Variants in SEPTIN2 observed in about 807,000 individuals in gnomAD.
SEPTIN2 encodes the protein septin 2.
A neutral mutation model predicts 46.5 loss-of-function variants in SEPTIN2; 34 were observed. The observed-to-expected ratio is 0.73, with a 90% confidence interval of 0.56 to 0.97. SEPTIN2 has a LOEUF of 0.97. Among genes scored for constraint, SEPTIN2 ranks in the 50% least tolerant of loss-of-function variants. The probability of loss-of-function intolerance (pLI) is 0.00; values close to 1 mark genes in which losing one functional copy is unlikely to be tolerated. For synonymous variants in SEPTIN2, 175 were observed against 153.4 expected (o/e 1.14, Z -1.04); for missense variants, 347 against 448.4 (o/e 0.77, Z 2.04).
intron 3 of SEPTIN2, among the ~76,000 whole-genome samples, chr2:241,328,418 A>G (rs2149944297): frequency 6.6e-6 from 1 of 151,644 alleles, no homozygotes; most frequent in Non-Finnish European, 1.5e-5. Flanking sequence ...GCGACAGAGC[A>G]AGACTCCGTC....
At chr2:241,346,446 A>AAT in intron 10 of SEPTIN2, 197 bp downstream of exon 10, 1 of 387,614 alleles carries the variant, frequency 2.6e-6, no homozygotes. Context: ...ACATTTAATG[A>AAT]TATGCACGTA....
At position 241,346,265 on chromosome 2, in the gene SEPTIN2, C is replaced by A; in HGVS notation, c.926+16C>A. 1 of 1,608,116 alleles carries A rather than the reference C, an allele frequency of 6.2e-7. No homozygotes were observed. The highest frequency in any genetic ancestry group is 8.5e-7 in the Non-Finnish European group (1 of 1,174,876). ...GAGGCGGCAGGTCATCACACTGTGC[C>A]CCTTTCTCTGTATTGTGTCACCCTG... On this transcript the variant is annotated intron_variant, in intron 10 of 12. Transcript: ENST00000391971.
At chr2:241,316,747 C>T (rs1350892286) in intron 1 of SEPTIN2, 3 of 438,330 alleles carry the variant, frequency 6.8e-6, no homozygotes, top group East Asian at 7.2e-5. Context: ...AGACCTTGTC[C>T]TCTCTCCACG....
At chr2:241,348,061 G>C in intron 10 of SEPTIN2, 73 bp from the exon 11 acceptor site, 2 of 1,192,752 alleles carry the variant, frequency 1.7e-6, no homozygotes, top group Non-Finnish European at 2.4e-6. Context: ...AAATTTTAAA[G>C]TAGAATTTTT....
At chr2:241,346,061 A>AT in intron 9 of SEPTIN2, 105 bp from the exon 10 acceptor site, 1 of 743,464 alleles carries the variant, frequency 1.3e-6, no homozygotes, top group Non-Finnish European at 2.3e-6. Context: ...TTACCAAGTA[A>AT]TTTTAATTAC....
At chr2:241,326,925 C>G (rs73116341) in intron 3 of SEPTIN2, among the ~76,000 whole-genome samples, 4,009 of 151,984 alleles carry the variant, frequency 0.026, 111 homozygotes, top group African/African-American at 0.069. Flanking sequence ...AATATGAAAA[C>G]TAGCCAGGCA....
chr2:241,329,096 T>C (rs2078529510), intron 3 of SEPTIN2, among the ~76,000 whole-genome samples: 1 of 147,052 alleles, frequency 6.8e-6, no homozygotes, highest in African/African-American at 2.5e-5. Context: ...TGTAAATCTT[T>C]TGTTGTTGTT....
chr2:241,321,245 CTATT>C (rs1242399304), intron 1 of SEPTIN2, among the ~76,000 whole-genome samples: 1 of 151,968 alleles, frequency 6.6e-6, no homozygotes, highest in East Asian at 1.9e-4. Context: ...TCAGAGAACT[CTATT>C]AAAGTTTCTC....
chr2:241,323,137 A>G (rs952880679), intron 1 of SEPTIN2, among the ~76,000 whole-genome samples: 6 of 150,780 alleles, frequency 4.0e-5, no homozygotes, highest in Non-Finnish European at 8.8e-5. Context: ...AACTGCTGGG[A>G]TTACAGGCGT....
chr2:241,347,322 T>C (rs1315868859), intron 10 of SEPTIN2, among the ~76,000 whole-genome samples: 3 of 152,246 alleles, frequency 2.0e-5, no homozygotes, highest in Non-Finnish European at 4.4e-5. Flanking sequence ...TAGATACATA[T>C]GTTGTACACA....
intron 1 of SEPTIN2, among the ~76,000 whole-genome samples, chr2:241,318,704 T>C (rs1417819364): frequency 7.2e-6 from 1 of 139,256 alleles, no homozygotes; most frequent in East Asian, 1.9e-4. Flanking sequence ...TGTATTTTCT[T>C]TTTTTTTTTT....
At chr2:241,321,648 T>C (rs1322292706) in intron 1 of SEPTIN2, among the ~76,000 whole-genome samples, 1 of 152,210 alleles carries the variant, frequency 6.6e-6, no homozygotes, top group Non-Finnish European at 1.5e-5. Context: ...TTCACATTTA[T>C]ACTGATAACT....
chr2:241,318,009 T>C (rs1458144449), intron 1 of SEPTIN2, among the ~76,000 whole-genome samples: 2 of 152,124 alleles, frequency 1.3e-5, no homozygotes, highest in Non-Finnish European at 2.9e-5. Flanking sequence ...GGATCAAGGC[T>C]TTCTCACTGA....
Position 241,340,357 on chromosome 2 carries a change from A to G in SEPTIN2, c.594+2567A>G, listed in dbSNP as rs571973495. On this transcript the variant is annotated intron_variant, in intron 7 of 12. Transcript: ENST00000391971. Reference sequence around the variant, plus strand: ...ATATACTTATTTTTAGATGTTGACTATCACGTTGCAGATGATTTCACCTGG... The same window carrying G: ...ATATACTTATTTTTAGATGTTGACTGTCACGTTGCAGATGATTTCACCTGG... Among the ~76,000 whole-genome samples, 9 of 152,220 alleles carry G rather than the reference A, an allele frequency of 5.9e-5. No individual in the cohort carries two copies. In the South Asian group the frequency reaches 8.3e-4, roughly 14 times the overall value.
At chr2:241,347,123 G>A (rs1005857987) in intron 10 of SEPTIN2, among the ~76,000 whole-genome samples, 9 of 152,110 alleles carry the variant, frequency 5.9e-5, no homozygotes, top group African/African-American at 2.2e-4. Flanking sequence ...CAGATGTGGT[G>A]GTGCATGCCT....
chr2:241,316,552 C>A, intron 1 of SEPTIN2: 1 of 1,515,900 alleles, frequency 6.6e-7, no homozygotes, highest in Non-Finnish European at 8.8e-7. Context: ...TCTGCACCAG[C>A]GAGGCACGGA....
intron 3 of SEPTIN2, among the ~76,000 whole-genome samples, chr2:241,329,740 T>C (rs1177136834): frequency 6.6e-6 from 1 of 152,198 alleles, no homozygotes; most frequent in African/African-American, 2.4e-5. Flanking sequence ...GCTGGAACGG[T>C]ACCTCACATT....
chr2:241,338,681 A>G (rs1482250429), intron 7 of SEPTIN2, among the ~76,000 whole-genome samples: 1 of 120,526 alleles, frequency 8.3e-6, no homozygotes, highest in African/African-American at 3.1e-5. Flanking sequence ...TATTTATATT[A>G]CATATGTAAT....
chr2:241,351,514 A>G (rs1284945302), intron 12 of SEPTIN2: 1 of 152,154 alleles, frequency 6.6e-6, no homozygotes, highest in Non-Finnish European at 1.5e-5. Context: ...CGAGAGTTTA[A>G]AAGTATTTGC....
Sources: allele counts gnomAD v4.1 joint callset (sites outside exome capture counted in the v4.1 genomes callset), GRCh38; gene constraint gnomAD v4.1.1; transcripts MANE v1.5; gene names NCBI Gene and HGNC (gene_info 2026-07-23, HGNC 2026-07-21).